Variants in PARD3B observed in about 807,000 individuals in gnomAD.
PARD3B encodes the protein partitioning defective 3 homolog B.
Under a neutral mutation model 130.2 loss-of-function variants are expected in PARD3B, and 103 were observed. The observed-to-expected ratio is 0.79, with a 90% CI of 0.67 to 0.93. PARD3B has a LOEUF of 0.93. PARD3B is among the 40% of genes least tolerant of loss of function. The pLI, the probability that PARD3B is intolerant of heterozygous loss-of-function variation, is 0.00. For synonymous variants in PARD3B, 583 were observed against 553.2 expected (o/e 1.05, Z -0.76); for missense variants, 1,609 against 1,499.2 (o/e 1.07, Z -1.21).
intron 21 of PARD3B, among the ~76,000 whole-genome samples, chr2:205,547,335 A>G (rs1205051238): frequency 6.6e-6 from 1 of 152,082 alleles, no homozygotes; most frequent in East Asian, 1.9e-4. Context: ...ACCACCAATC[A>G]CCATCTCATT....
In PARD3B at chr2:205,461,307, T is replaced by G. The variant is rs560342873; in HGVS notation, c.3044+20635T>G. Among the ~76,000 whole-genome samples, 1 of 152,096 alleles carries G rather than the reference T, an allele frequency of 6.6e-6. No individual in the cohort carries two copies. The highest frequency in any genetic ancestry group is 1.5e-5 in the Non-Finnish European group (1 of 68,018). ...GGGATGCCCTGATGTGGAAAGGAACTTGGCATGTGTGAAGAAGTGAAAGAA... is the reference window on the plus strand; with the variant it reads ...GGGATGCCCTGATGTGGAAAGGAACGTGGCATGTGTGAAGAAGTGAAAGAA... On this transcript the variant is annotated intron_variant, in intron 20 of 22. Transcript: ENST00000406610. This position sits in a 1 kb window ranked among gnomAD's most constrained non-coding sequence, Gnocchi z 4.3.
intron 2 of PARD3B, among the ~76,000 whole-genome samples, chr2:204,850,236 C>T (rs759434318): frequency 1.1e-4 from 16 of 152,090 alleles, no homozygotes; most frequent in Admixed American, 2.0e-4. Flanking sequence ...GCATGATATT[C>T]CTGTTTTGTT....
At chr2:205,137,158 A>G (rs545778300) in intron 10 of PARD3B, among the ~76,000 whole-genome samples, 5 of 152,312 alleles carry the variant, frequency 3.3e-5, no homozygotes, top group South Asian at 4.1e-4. Flanking sequence ...ATAAGGACAT[A>G]AAAGTTATAA....
At chr2:204,969,699 G>T (rs1051664060) in intron 3 of PARD3B, among the ~76,000 whole-genome samples, 5 of 152,112 alleles carry the variant, frequency 3.3e-5, no homozygotes, top group Non-Finnish European at 7.3e-5. Flanking sequence ...ATTAATTGTA[G>T]ATTTCAATTA....
chr2:205,166,315 C>T (rs1436679804), intron 11 of PARD3B, among the ~76,000 whole-genome samples: 3 of 152,060 alleles, frequency 2.0e-5, no homozygotes, highest in Admixed American at 6.5e-5. Flanking sequence ...AAGGCAATTG[C>T]AAGGCTTGCT....
intron 15 of PARD3B, among the ~76,000 whole-genome samples, chr2:205,242,217 G>C (rs2039382970): frequency 8.3e-6 from 1 of 120,536 alleles, no homozygotes; most frequent in African/African-American, 3.5e-5. Context: ...CACCCATTTG[G>C]ATTTTCTACA....
At chr2:205,435,615 A>G (rs749158492) in intron 19 of PARD3B, among the ~76,000 whole-genome samples, 1 of 151,926 alleles carries the variant, frequency 6.6e-6, no homozygotes, top group African/African-American at 2.4e-5. Context: ...ATTATATTTA[A>G]TATATTCAAA....
chr2:204,657,045 G>T (rs1031010837), intron 1 of PARD3B, among the ~76,000 whole-genome samples: 5 of 152,152 alleles, frequency 3.3e-5, no homozygotes, highest in African/African-American at 9.7e-5. Context: ...TTGGGGACCT[G>T]GGTCAAGTGA....
At chr2:205,237,354 G>A (rs1174810266) in intron 15 of PARD3B, among the ~76,000 whole-genome samples, 2 of 152,080 alleles carry the variant, frequency 1.3e-5, no homozygotes, top group African/African-American at 4.8e-5. Flanking sequence ...CACCCGACTC[G>A]GCCTCCCAAA....
Position 205,021,704 on chromosome 2 carries a change from A to T in PARD3B, c.395-25877A>T, listed in dbSNP as rs770892434. Among the ~76,000 whole-genome samples the T allele has an allele frequency of 6.8e-4, 103 of 151,850 alleles. No homozygotes were observed. The highest frequency in any genetic ancestry group is 1.1e-3 in the Non-Finnish European group (76 of 67,968). On this transcript the variant is annotated intron_variant, in intron 3 of 22. Coordinates refer to ENST00000406610, the MANE Select transcript of PARD3B (RefSeq NM_001302769.2). This position sits in a 1 kb window ranked among gnomAD's most constrained non-coding sequence, Gnocchi z 4.5. ...AATGACCCTGTGTCTTTCTTTGGAT[A>T]GAAATTTAAAATAAACTTCCATTTT...
At chr2:204,819,693 A>T (rs747604778) in intron 2 of PARD3B, among the ~76,000 whole-genome samples, 1 of 152,238 alleles carries the variant, frequency 6.6e-6, no homozygotes, top group Non-Finnish European at 1.5e-5. Flanking sequence ...ATGCATAGAT[A>T]AAGTTCTCGA....
Position 205,245,807 on chromosome 2 carries a change from G to A in PARD3B, c.2170G>A (p.Ala724Thr). The stretch of plus-strand genomic sequence containing the variant: ...AGATGAAAGCAAGGTTCACTCATTG[G>A]CTGGACAAAAATCGGGTAAGAAATT... The part of the protein sequence containing the change: ...VPDESKVHSL[A>T]GQKSESPSKD... Residue 724 changes from alanine to threonine, a missense_variant, in exon 16 of 23, where the codon GCT (alanine) becomes ACT (threonine). Ala to Thr is a moderately conservative substitution (Grantham distance 58). Transcript: ENST00000406610. The A allele has an allele frequency of 2.5e-6, 4 of 1,600,138 alleles. No homozygotes were observed. Among genetic ancestry groups the A allele is most frequent in the Non-Finnish European group, 3.4e-6 (4 of 1,167,810 alleles).
intron 2 of PARD3B, among the ~76,000 whole-genome samples, chr2:204,749,343 G>A (rs552331113): frequency 2.6e-5 from 4 of 152,208 alleles, no homozygotes; most frequent in Admixed American, 6.5e-5. Flanking sequence ...TAATTTTGGT[G>A]TATTGTAACA....
chr2:205,103,312 ATATTTATGTAAAATAAACATATTTT>A (rs1559439710), intron 4 of PARD3B, among the ~76,000 whole-genome samples: 38 of 18,770 alleles, frequency 2.0e-3, no homozygotes, highest in South Asian at 8.6e-3. Flanking sequence ...AACATATTTT[ATATTTATGTAAAATAAACATATTTT>A]TATTTATGTA....
intron 3 of PARD3B, among the ~76,000 whole-genome samples, chr2:205,009,627 C>T (rs1054723389): frequency 6.7e-6 from 1 of 149,240 alleles, no homozygotes; most frequent in Non-Finnish European, 1.5e-5. Flanking sequence ...GCCGAGATTG[C>T]GCCACTGCAC....
intron 2 of PARD3B, among the ~76,000 whole-genome samples, chr2:204,950,051 C>A (rs536416959): frequency 6.6e-6 from 1 of 152,102 alleles, no homozygotes; most frequent in Non-Finnish European, 1.5e-5. Flanking sequence ...TGAGCAATTC[C>A]TTCATGTCCA....
intron 1 of PARD3B, among the ~76,000 whole-genome samples, chr2:204,568,060 T>C (rs957934567): frequency 2.6e-5 from 4 of 152,212 alleles, no homozygotes; most frequent in Non-Finnish European, 5.9e-5. Context: ...CTATTGTAAA[T>C]CTGTGAAATG....
intron 4 of PARD3B, among the ~76,000 whole-genome samples, chr2:205,077,744 G>T (rs537345743): frequency 6.6e-6 from 1 of 152,170 alleles, no homozygotes; most frequent in East Asian, 1.9e-4. Flanking sequence ...ATATATCCTT[G>T]GGGATTTTTT....
intron 2 of PARD3B, among the ~76,000 whole-genome samples, chr2:204,727,399 A>G (rs188370554): frequency 6.6e-6 from 1 of 152,354 alleles, no homozygotes; most frequent in East Asian, 1.9e-4. Flanking sequence ...GTCGATGTCT[A>G]GTTTCTAAGC....
Sources: allele counts gnomAD v4.1 joint callset (sites outside exome capture counted in the v4.1 genomes callset), GRCh38; gene constraint gnomAD v4.1.1; non-coding constraint Gnocchi (gnomAD v3.1); transcripts MANE v1.5; gene names NCBI Gene and HGNC (gene_info 2026-07-23, HGNC 2026-07-21).